The following PCDH10 variants were observed in gnomAD, a reference collection of about 807,000 sequenced individuals.
PCDH10 encodes the protein protocadherin 10, also known as protocadherin-10.
Under a neutral mutation model 74.4 loss-of-function variants are expected in PCDH10, and 15 were observed. That is an observed-to-expected ratio of 0.20 (90% CI 0.13 to 0.31). PCDH10 has a LOEUF of 0.31. Ranked by LOEUF, PCDH10 falls within the 10% of genes least tolerant of loss-of-function variation. PCDH10 has a pLI of 1.00. For synonymous variants in PCDH10, 619 were observed against 589.8 expected (o/e 1.05, Z -0.72); for missense variants, 1,260 against 1,390.2 (o/e 0.91, Z 1.49).
chr4:133,185,783 T>G (rs1727530986), intron 4 of PCDH10, among the ~76,000 whole-genome samples: 1 of 152,178 alleles, frequency 6.6e-6, no homozygotes, highest in Admixed American at 6.6e-5. Context: ...GATTATTTCA[T>G]AATCTTAATG....
intron 2 of PCDH10, among the ~76,000 whole-genome samples, chr4:133,199,989 G>C (rs1230381461): frequency 6.6e-6 from 1 of 150,944 alleles, no homozygotes; most frequent in East Asian, 1.9e-4. Context: ...TATTAGAGAC[G>C]GGGTTTCACC....
At chr4:133,198,632 T>C (rs560964618), downstream of PCDH10, among the ~76,000 whole-genome samples, 6 of 152,280 alleles carry the variant, frequency 3.9e-5, 1 homozygote, top group African/African-American at 1.4e-4. Flanking sequence ...TCTAAGATGG[T>C]GTACTTATAA....
intron 4 of PCDH10, among the ~76,000 whole-genome samples, chr4:133,165,507 T>C (rs1486602736): frequency 6.6e-6 from 1 of 151,768 alleles, no homozygotes. Flanking sequence ...TCCTTTTTCA[T>C]TCAGAATAGA....
At chr4:133,164,303 A>G (rs894244270) in intron 4 of PCDH10, among the ~76,000 whole-genome samples, 4 of 152,088 alleles carry the variant, frequency 2.6e-5, no homozygotes, top group Non-Finnish European at 5.9e-5. Flanking sequence ...AGTGAATTAA[A>G]ATAGCCTAAA....
chr4:133,198,299 G>A (rs1397414448), downstream of PCDH10, among the ~76,000 whole-genome samples: 1 of 151,934 alleles, frequency 6.6e-6, no homozygotes, highest in African/African-American at 2.4e-5. Context: ...AAACAAAATT[G>A]AATTAAAGGC....
At chr4:133,184,554 C>G (rs952573164) in intron 4 of PCDH10, among the ~76,000 whole-genome samples, 6 of 151,274 alleles carry the variant, frequency 4.0e-5, no homozygotes, top group Non-Finnish European at 7.4e-5. Flanking sequence ...ACCCGGGAAG[C>G]TGAGGTTGCA....
At chr4:133,181,373 C>T (rs1458010634) in intron 4 of PCDH10, among the ~76,000 whole-genome samples, 1 of 151,804 alleles carries the variant, frequency 6.6e-6, no homozygotes, top group Non-Finnish European at 1.5e-5. Context: ...CAAACTCGTC[C>T]TATACTATAA....
At chr4:133,156,681 G>A (rs1443234737) in intron 3 of PCDH10, among the ~76,000 whole-genome samples, 3 of 152,054 alleles carry the variant, frequency 2.0e-5, no homozygotes, top group Non-Finnish European at 4.4e-5. Flanking sequence ...ATGTTTCTTT[G>A]GATGCATTTT....
At chr4:133,168,406 TC>T (rs1474200302) in intron 4 of PCDH10, among the ~76,000 whole-genome samples, 2 of 151,474 alleles carry the variant, frequency 1.3e-5, no homozygotes, top group African/African-American at 4.8e-5. Context: ...AAATTTCTAT[TC>T]CCCCAGTTAA....
At chr4:133,205,213 T>C (rs1248692320) in intron 2 of PCDH10, among the ~76,000 whole-genome samples, 1 of 152,116 alleles carries the variant, frequency 6.6e-6, no homozygotes, top group Admixed American at 6.6e-5. Context: ...TGGGCCTTAA[T>C]TTTAGGCCTC....
Position 133,190,533 on chromosome 4 carries a change from A to G in PCDH10, c.*373A>G. 5.2e-6 allele frequency: 1 copy of G among 193,792 alleles called. No homozygotes were observed. Among genetic ancestry groups the G allele is most frequent in the Non-Finnish European group, 1.0e-5 (1 of 95,524 alleles). 12.0% of individuals were successfully genotyped at this position (193,792 alleles called of 1,614,324 possible). ...ATTTGTGCATTATAAATGCAATATCACTGTTTTAAACTTGACTGTTTTATA... is the reference window on the plus strand; with the variant it reads ...ATTTGTGCATTATAAATGCAATATCGCTGTTTTAAACTTGACTGTTTTATA... On this transcript the variant is annotated 3_prime_UTR_variant, in exon 5 of 5. Transcript: ENST00000264360.
At position 133,150,772 on chromosome 4, in the gene PCDH10, GAGTAGGAGAA is replaced by G; in HGVS notation, c.633_642del (p.Val212GlufsTer55). The G allele has an allele frequency of 6.3e-7, 1 of 1,577,980 alleles. No homozygotes were observed. Among genetic ancestry groups the G allele is most frequent in the African/African-American group, 1.4e-5 (1 of 73,968 alleles). On this transcript the variant is annotated frameshift_variant, in exon 1 of 5. Coordinates refer to ENST00000264360, the MANE Select transcript of PCDH10 (RefSeq NM_032961.3). LOFTEE classifies it high-confidence loss of function. ...GCGGTGGACGGAGGAGGTGGGGGAG[GAGTAGGAGAA>G]GGAGGGGGAGGTGGCGGGGGAGCAG...
In PCDH10 at chr4:133,151,239, G is replaced by A; in HGVS notation, c.1099G>A (p.Val367Met). 1 of 1,614,166 alleles carries A rather than the reference G, an allele frequency of 6.2e-7. No homozygotes were observed. Among genetic ancestry groups the A allele is most frequent in the Non-Finnish European group, 8.5e-7 (1 of 1,180,032 alleles). The change falls in exon 1 of 5, where the codon GTG (valine) becomes ATG (methionine). Residue 367 changes from valine (V) to methionine (M), a missense_variant. Val to Met is a conservative substitution (Grantham distance 21). Around this residue, in one of 11 missense-constraint regions of PCDH10, gnomAD observed 112 missense variants for 123.6 expected, o/e 0.91. Transcript: ENST00000264360. ...CAGCTTCAGCACCGTGAAGGAAGCG[G>A]TGAGTGAGGGCGCGGCGCCCGGCAC... ...EISFSTVKEA[V>M]SEGAAPGTVV...
intron 4 of PCDH10, among the ~76,000 whole-genome samples, chr4:133,181,794 C>A (rs1727424353): frequency 6.6e-6 from 1 of 152,026 alleles, no homozygotes; most frequent in South Asian, 2.1e-4. Flanking sequence ...ATCTGATCAT[C>A]AAGTATGTAA....
chr4:133,204,429 A>G (rs934678626), intron 2 of PCDH10, among the ~76,000 whole-genome samples: 2 of 152,186 alleles, frequency 1.3e-5, no homozygotes, highest in African/African-American at 4.8e-5. Flanking sequence ...GCACCAGCCT[A>G]CCTTTAAGGT....
intron 4 of PCDH10, among the ~76,000 whole-genome samples, chr4:133,180,367 C>G (rs1268844533): frequency 6.6e-6 from 1 of 152,024 alleles, no homozygotes; most frequent in African/African-American, 2.4e-5. Flanking sequence ...AGTTTTCCTT[C>G]AGGTTTCTGA....
intron 2 of PCDH10, among the ~76,000 whole-genome samples, chr4:133,201,791 G>A (rs1727914079): frequency 1.4e-5 from 2 of 140,746 alleles, no homozygotes; most frequent in African/African-American, 5.4e-5. Context: ...GGGAGGCGGA[G>A]GTTGCAGTGA....
At chr4:133,207,597 G>T (rs1728034933) in intron 2 of PCDH10, among the ~76,000 whole-genome samples, 1 of 151,412 alleles carries the variant, frequency 6.6e-6, no homozygotes, top group South Asian at 2.1e-4. Context: ...AATTTTTCAT[G>T]TTTAAAAAAA....
intron 4 of PCDH10, among the ~76,000 whole-genome samples, chr4:133,165,717 T>A (rs1275050379): frequency 1.3e-5 from 2 of 151,752 alleles, no homozygotes; most frequent in East Asian, 3.9e-4. Context: ...TATGTTTTTG[T>A]AAAGCTCTAA....
Sources: gnomAD v4.1 joint callset for allele counts (sites outside exome capture counted in the v4.1 genomes callset) on GRCh38, gnomAD v4.1.1 for gene constraint, gnomAD v4.1.1 regional missense constraint, MANE v1.5 for transcripts, NCBI Gene and HGNC (gene_info 2026-07-23, HGNC 2026-07-21) for gene names.